Variants in GABRB3 observed in about 807,000 individuals in gnomAD.
The protein encoded by GABRB3 is gamma-aminobutyric acid type A receptor subunit beta3, also known as gamma-aminobutyric acid receptor subunit beta-3.
GABRB3 carries 14 observed loss-of-function variants against 52.1 expected under a neutral mutation model. That is an observed-to-expected ratio of 0.27 (90% CI 0.18 to 0.42). The LOEUF (loss-of-function observed/expected upper bound fraction) is 0.42. Ranked by LOEUF, GABRB3 falls within the 10% of genes least tolerant of loss-of-function variation. The pLI, the probability that GABRB3 is intolerant of heterozygous loss-of-function variation, is 1.00. For synonymous variants in GABRB3, 260 were observed against 232.3 expected, an observed-to-expected ratio of 1.12 and a Z score of -1.08; for missense variants, 307 against 609.1, an observed-to-expected ratio of 0.50 and a Z score of 5.22.
At chr15:26,765,654 G>A (rs1041919907) in intron 3 of GABRB3, among the ~76,000 whole-genome samples, 3 of 152,034 alleles carry the variant, frequency 2.0e-5, no homozygotes, top group African/African-American at 7.2e-5. Flanking sequence ...TGCAAAGAAC[G>A]GCTCATAGAA....
At chr15:26,732,355 TAG>T (rs35449657) in intron 3 of GABRB3, among the ~76,000 whole-genome samples, 27 of 151,646 alleles carry the variant, frequency 1.8e-4, no homozygotes, top group African/African-American at 6.6e-4. Context: ...GATGAGTAGA[TAG>T]AGAGATAAAT....
chr15:26,660,179 G>A (rs543335962), intron 3 of GABRB3, among the ~76,000 whole-genome samples: 7 of 150,916 alleles, frequency 4.6e-5, no homozygotes, highest in East Asian at 3.9e-4. Flanking sequence ...GCGGTGAGTC[G>A]AGATCATGCC....
At chr15:26,748,534 T>C (rs1890411825) in intron 3 of GABRB3, among the ~76,000 whole-genome samples, 1 of 152,214 alleles carries the variant, frequency 6.6e-6, no homozygotes, top group Non-Finnish European at 1.5e-5. Flanking sequence ...TATTTTCTTT[T>C]AAGCGTATGT....
chr15:26,610,177 T>C (rs892885540), intron 4 of GABRB3, among the ~76,000 whole-genome samples: 13 of 152,212 alleles, frequency 8.5e-5, no homozygotes, highest in African/African-American at 2.7e-4. Flanking sequence ...CCTGCTAATA[T>C]ATTAGGTTGG....
chr15:26,628,074 T>C (rs1455903127), intron 3 of GABRB3, among the ~76,000 whole-genome samples: 1 of 152,250 alleles, frequency 6.6e-6, no homozygotes, highest in Non-Finnish European at 1.5e-5. Context: ...GCTCAGATGA[T>C]TGTTAGCACT....
chr15:26,709,550 C>T (rs1323165289), intron 3 of GABRB3, among the ~76,000 whole-genome samples: 33 of 111,226 alleles, frequency 3.0e-4, no homozygotes, highest in African/African-American at 1.0e-3. Context: ...GACAGTCTTG[C>T]TCTGTCGCCC....
At chr15:26,617,115 G>C (rs1417520183) in intron 4 of GABRB3, among the ~76,000 whole-genome samples, 1 of 152,124 alleles carries the variant, frequency 6.6e-6, no homozygotes, top group Non-Finnish European at 1.5e-5. Context: ...AAAGAGTCCA[G>C]CACCAGATGG....
chr15:26,712,461 G>A (rs573374818), intron 3 of GABRB3, among the ~76,000 whole-genome samples: 1 of 152,202 alleles, frequency 6.6e-6, no homozygotes, highest in South Asian at 2.1e-4. Flanking sequence ...GCAGGGGTGG[G>A]CAGGAGTGGT....
intron 3 of GABRB3, among the ~76,000 whole-genome samples, chr15:26,770,719 A>G (rs1178116115): frequency 6.6e-6 from 1 of 152,226 alleles, no homozygotes; most frequent in African/African-American, 2.4e-5. Context: ...ATAATCCACT[A>G]AATAATCAAT....
chr15:26,759,024 T>C (rs1890738566), intron 3 of GABRB3, among the ~76,000 whole-genome samples: 1 of 152,174 alleles, frequency 6.6e-6, no homozygotes, highest in Non-Finnish European at 1.5e-5. Flanking sequence ...CATTTGGATC[T>C]ATATAATCCT....
At chr15:26,603,674 A>G (rs1009742505) in intron 4 of GABRB3, among the ~76,000 whole-genome samples, 2 of 152,136 alleles carry the variant, frequency 1.3e-5, no homozygotes, top group African/African-American at 2.4e-5. Flanking sequence ...GACAAAAACT[A>G]TATCATCATT....
intron 3 of GABRB3, among the ~76,000 whole-genome samples, chr15:26,738,134 G>A (rs955396882): frequency 1.3e-5 from 2 of 152,098 alleles, no homozygotes; most frequent in Non-Finnish European, 2.9e-5. Context: ...CTGGGCTGGA[G>A]TGCAATGGTG....
chr15:26,655,755 A>C (rs1038750750), intron 3 of GABRB3, among the ~76,000 whole-genome samples: 4 of 151,992 alleles, frequency 2.6e-5, no homozygotes, highest in Admixed American at 2.6e-4. Flanking sequence ...AAAAAAAAAA[A>C]AACCCTCGGT....
At chr15:26,722,173 C>G (rs777481882) in intron 3 of GABRB3, among the ~76,000 whole-genome samples, 3 of 152,062 alleles carry the variant, frequency 2.0e-5, no homozygotes. Context: ...ACAAGGGTTG[C>G]TCATTAGAAC....
rs5016886 is a variant in GABRB3 at position 26,716,779 on chromosome 15, A to G, written c.240+55623T>C. The G allele has an allele frequency of 5.0e-6, 3 of 604,578 alleles. No individual in the cohort carries two copies. In the South Asian group the frequency reaches 1.6e-4, roughly 33 times the overall value. 37.5% of individuals were successfully genotyped at this position (604,578 alleles called of 1,614,324 possible). On this transcript the variant is annotated intron_variant, in intron 3 of 8. Transcript: ENST00000311550. ...CAGCCCAGCTCTGAGGACCTCCACCAAATGACAGCCCAGCTCTGAGGACCT... is the reference window on the plus strand; with the variant it reads ...CAGCCCAGCTCTGAGGACCTCCACCGAATGACAGCCCAGCTCTGAGGACCT...
chr15:26,618,363 A>G (rs938910897), intron 4 of GABRB3, among the ~76,000 whole-genome samples: 2 of 152,062 alleles, frequency 1.3e-5, no homozygotes, highest in Admixed American at 1.3e-4. Flanking sequence ...ATAACGCCAC[A>G]TATCTACAAC....
chr15:26,764,339 T>C (rs1212922762), intron 3 of GABRB3, among the ~76,000 whole-genome samples: 1 of 150,954 alleles, frequency 6.6e-6, no homozygotes, highest in Admixed American at 6.6e-5. Flanking sequence ...ATAGAATTCA[T>C]ATCCTCTTTT....
intron 6 of GABRB3, among the ~76,000 whole-genome samples, chr15:26,571,099 T>C (rs1375042319): frequency 6.6e-6 from 1 of 152,184 alleles, no homozygotes; most frequent in African/African-American, 2.4e-5. Context: ...CTTCAATATC[T>C]TTACTGAAGT....
chr15:26,642,094 T>C (rs1427200724), intron 3 of GABRB3, among the ~76,000 whole-genome samples: 3 of 152,140 alleles, frequency 2.0e-5, no homozygotes, highest in African/African-American at 7.2e-5. Flanking sequence ...GGTCTCATCA[T>C]GTTGCCCAGG....
Sources: allele counts gnomAD v4.1 joint callset (sites outside exome capture counted in the v4.1 genomes callset), GRCh38; gene constraint gnomAD v4.1.1; transcripts MANE v1.5; gene names NCBI Gene and HGNC (gene_info 2026-07-23, HGNC 2026-07-21).